The following HACE1 variants were observed in gnomAD, a reference collection of about 807,000 sequenced individuals.
HACE1 encodes the protein HECT domain and ankyrin repeat containing E3 ubiquitin protein ligase 1, also known as E3 ubiquitin-protein ligase HACE1.
In HACE1, 73 loss-of-function variants were observed where a neutral mutation model predicts 118.4. The observed-to-expected ratio is 0.62, with a 90% CI of 0.51 to 0.75. The LOEUF (loss-of-function observed/expected upper bound fraction) is 0.75. HACE1 is among the 30% of genes least tolerant of loss of function. HACE1 has a pLI of 0.00. For missense variants in HACE1, 749 were observed against 1,102.2 expected (o/e 0.68, Z 4.54); for synonymous variants, 368 against 374.8 (o/e 0.98, Z 0.21).
At chr6:104,812,955 C>CTATAAATACAA (rs1243353941) in intron 6 of HACE1, among the ~76,000 whole-genome samples, 17 of 87,654 alleles carry the variant, frequency 1.9e-4, no homozygotes, top group Middle Eastern at 4.8e-3. Context: ...ATTCTCTGCA[C>CTATAAATACAA]AAAGTGAACA....
At chr6:104,762,664 A>G (rs1406113272) in intron 19 of HACE1, among the ~76,000 whole-genome samples, 1 of 152,128 alleles carries the variant, frequency 6.6e-6, no homozygotes, top group Non-Finnish European at 1.5e-5. Flanking sequence ...AAACCCACAC[A>G]TTCTGCACAT....
chr6:104,838,738 G>T (rs941164682), intron 5 of HACE1, among the ~76,000 whole-genome samples: 5 of 151,242 alleles, frequency 3.3e-5, no homozygotes, highest in African/African-American at 1.2e-4. Context: ...GGACAAATAG[G>T]ATCACTTCAA....
intron 22 of HACE1, among the ~76,000 whole-genome samples, chr6:104,735,509 T>C (rs1335270092): frequency 6.6e-6 from 1 of 152,008 alleles, no homozygotes; most frequent in African/African-American, 2.4e-5. Context: ...CGGGTGCCTA[T>C]AGTCCCAGCT....
chr6:104,843,250 G>A lies in HACE1; in HGVS notation c.375C>T (p.Asn125=), dbSNP rs913968366. The A allele has an allele frequency of 6.5e-7, 1 of 1,538,368 alleles. No individual in the cohort carries two copies. Residue 125 remains asparagine (N), a synonymous_variant, in exon 5 of 24, where the codon AAC becomes AAT. Transcript: ENST00000262903. ...SKLLEYSADV[N]ICNNEGLTAI... is the part of the protein sequence containing the mutation. The stretch of plus-strand genomic sequence containing the variant: ...CTGTAAGGCCTTCATTATTACAAAT[G>A]TTGACATCAGCGCTATATTCTAATA...
intron 7 of HACE1, among the ~76,000 whole-genome samples, chr6:104,808,721 A>G (rs1170483716): frequency 6.6e-6 from 1 of 152,102 alleles, no homozygotes; most frequent in Non-Finnish European, 1.5e-5. Context: ...TCTATTTCCT[A>G]TATTCCTTTC....
intron 19 of HACE1, among the ~76,000 whole-genome samples, chr6:104,765,994 A>G (rs1295502707): frequency 6.6e-6 from 1 of 152,196 alleles, no homozygotes; most frequent in African/African-American, 2.4e-5. Context: ...ACGGATAAAG[A>G]CAAATGCTCC....
chr6:104,750,382 T>A lies in HACE1; in HGVS notation c.2302A>T (p.Ile768Phe). ...AAAAGCTGTATGAGGGAGGGTGGAA[T>A]GAACATATGAAAGCCCTGTAAAAAA... Reference protein sequence around the residue: ...NAFLQGFHMFIPPSLIQLFDE... With the variant: ...NAFLQGFHMFFPPSLIQLFDE... Residue 768 changes from isoleucine to phenylalanine, a missense_variant, in exon 20 of 24, where the codon ATT becomes TTT. Ile to Phe is a conservative substitution (Grantham distance 21, BLOSUM62 0). This residue lies in a region of HACE1 where 165 missense variants were observed against 229.9 expected (regional missense o/e 0.72). Transcript: ENST00000262903. 6.2e-7 allele frequency: 1 copy of A among 1,612,774 alleles called. No individual in the cohort carries two copies. The highest frequency in any genetic ancestry group is 2.2e-5 in the East Asian group (1 of 44,840).
At chr6:104,854,370 G>A (rs947512774) in intron 1 of HACE1, among the ~76,000 whole-genome samples, 1 of 152,102 alleles carries the variant, frequency 6.6e-6, no homozygotes, top group Non-Finnish European at 1.5e-5. Flanking sequence ...ATACACAAAT[G>A]TTAATTTCTT....
chr6:104,776,550 A>C (rs1425226585), intron 17 of HACE1, among the ~76,000 whole-genome samples, 191 bp downstream of exon 17: 1 of 152,246 alleles, frequency 6.6e-6, no homozygotes, highest in Admixed American at 6.5e-5. Flanking sequence ...GTCAGGTTCC[A>C]CTTATGATTC....
Position 104,859,833 on chromosome 6 carries a change from C to G in HACE1, c.-191G>C. On this transcript the variant is annotated 5_prime_UTR_variant, in exon 1 of 24. Transcript: ENST00000262903. ...GGGGCCGGGCTGCTGCCGGACCGACCACCTACAGTACACCCGCCGCCGCCT... is the reference window on the plus strand; with the variant it reads ...GGGGCCGGGCTGCTGCCGGACCGACGACCTACAGTACACCCGCCGCCGCCT... 1 of 541,874 alleles carries G rather than the reference C, an allele frequency of 1.8e-6. No individual in the cohort carries two copies. The highest frequency in any genetic ancestry group is 2.0e-5 in the African/African-American group (1 of 49,488). The allele number at this position is 541,874 out of a possible 1,614,324, so 33.6% of individuals were successfully genotyped here. A position where few individuals can be genotyped will look rare whatever the true frequency, so the allele number is the denominator to read the frequency against.
chr6:104,746,869 G>A (rs891345597), intron 20 of HACE1, among the ~76,000 whole-genome samples: 10 of 152,122 alleles, frequency 6.6e-5, no homozygotes, highest in African/African-American at 2.4e-4. Context: ...CTTCTAGGCT[G>A]AAGATAAGCT....
At chr6:104,839,378 G>C (rs1774867349) in intron 5 of HACE1, among the ~76,000 whole-genome samples, 1 of 152,156 alleles carries the variant, frequency 6.6e-6, no homozygotes, top group Non-Finnish European at 1.5e-5. Flanking sequence ...GTATAACCTA[G>C]ATAAGTCTCC....
intron 7 of HACE1, among the ~76,000 whole-genome samples, chr6:104,804,985 C>T (rs1273528285): frequency 6.6e-6 from 1 of 152,174 alleles, no homozygotes; most frequent in Non-Finnish European, 1.5e-5. Flanking sequence ...TATCCAGAAT[C>T]TACAATGAAT....
intron 4 of HACE1, among the ~76,000 whole-genome samples, chr6:104,847,588 C>T (rs1775781015): frequency 6.6e-6 from 1 of 152,178 alleles, no homozygotes; most frequent in Non-Finnish European, 1.5e-5. Context: ...ACCTAGGCAA[C>T]ACTATTGCTG....
intron 5 of HACE1, among the ~76,000 whole-genome samples, chr6:104,838,739 ATCACT>A (rs1216190576): frequency 3.3e-5 from 5 of 151,872 alleles, no homozygotes; most frequent in Admixed American, 1.3e-4. Flanking sequence ...GACAAATAGG[ATCACT>A]TCAAGTTAAA....
intron 17 of HACE1, among the ~76,000 whole-genome samples, chr6:104,774,417 G>A (rs576594541): frequency 3.3e-4 from 45 of 138,400 alleles, no homozygotes; most frequent in South Asian, 2.1e-3. Context: ...ACGGAGTCTC[G>A]CCCTGTCACC....
intron 7 of HACE1, among the ~76,000 whole-genome samples, chr6:104,804,304 G>C (rs1008032490): frequency 1.3e-5 from 2 of 152,162 alleles, no homozygotes; most frequent in Non-Finnish European, 2.9e-5. Flanking sequence ...GTAATTTACA[G>C]ATTCAATGCC....
At chr6:104,788,140 T>C (rs1782637959) in intron 11 of HACE1, among the ~76,000 whole-genome samples, 1 of 152,064 alleles carries the variant, frequency 6.6e-6, no homozygotes, top group Non-Finnish European at 1.5e-5. Context: ...ATTTTAAAAT[T>C]AAAAATAAAC....
chr6:104,812,476 C>T (rs560900070), intron 6 of HACE1, among the ~76,000 whole-genome samples: 33 of 152,164 alleles, frequency 2.2e-4, no homozygotes, highest in African/African-American at 2.6e-4. Context: ...TGAAATTAGA[C>T]GCTTATTACT....
Sources: gnomAD v4.1 joint callset for allele counts (sites outside exome capture counted in the v4.1 genomes callset) on GRCh38, gnomAD v4.1.1 for gene constraint, gnomAD v4.1.1 regional missense constraint, MANE v1.5 for transcripts, NCBI Gene and HGNC (gene_info 2026-07-23, HGNC 2026-07-21) for gene names.